Variants in TNFRSF10D observed in about 807,000 individuals in gnomAD.
TNFRSF10D encodes the protein TNF receptor superfamily member 10d, also known as tumor necrosis factor receptor superfamily member 10D.
TNFRSF10D carries 28 observed loss-of-function variants against 42.1 expected under a neutral mutation model. The observed-to-expected ratio is 0.66, with a 90% CI of 0.49 to 0.91. The LOEUF is 0.91. Ranked by LOEUF, TNFRSF10D falls within the 40% of genes least tolerant of loss-of-function variation. The pLI is 0.00. For missense variants in TNFRSF10D, 503 were observed against 486.1 expected (o/e 1.03, Z -0.33); for synonymous variants, 186 against 189.4 (o/e 0.98, Z 0.15).
chr8:23,145,231 C>G, intron 5 of TNFRSF10D, 142 bp from the exon 6 acceptor site: 1 of 979,382 alleles, frequency 1.0e-6, no homozygotes, highest in Non-Finnish European at 1.5e-6. Flanking sequence ...TGGGGCCTTG[C>G]AATTAGGGGA....
intron 2 of TNFRSF10D, among the ~76,000 whole-genome samples, chr8:23,149,074 T>G (rs367602597): frequency 6.8e-6 from 1 of 147,940 alleles, no homozygotes; most frequent in Non-Finnish European, 1.5e-5. Flanking sequence ...CCTGTAATCC[T>G]AGCTACTCGG....
rs1320339382 is a variant in TNFRSF10D at position 23,148,426 on chromosome 8, C to T, written c.370+12G>A. On this transcript the variant is annotated intron_variant, in intron 3 of 8. Transcript: ENST00000312584. ...ACTCCACCTCTGGGCAAGGGGTCCACACATTCTGTACCTGATTTACAAACT... is the reference window on the plus strand; with the variant it reads ...ACTCCACCTCTGGGCAAGGGGTCCATACATTCTGTACCTGATTTACAAACT... 1.2e-5 allele frequency: 20 copies of T among 1,600,900 alleles called. No individual in the cohort carries two copies. The highest frequency in any genetic ancestry group is 1.6e-5 in the Non-Finnish European group (19 of 1,170,018).
chr8:23,150,160 A>G (rs556027594), intron 2 of TNFRSF10D, among the ~76,000 whole-genome samples: 941 of 152,208 alleles, frequency 6.2e-3, no homozygotes, highest in African/African-American at 0.019. Flanking sequence ...CAGCTTCCAG[A>G]TCTGTCCTAG....
intron 1 of TNFRSF10D, among the ~76,000 whole-genome samples, chr8:23,161,743 G>C (rs1800370423): frequency 6.6e-6 from 1 of 152,244 alleles, no homozygotes; most frequent in Non-Finnish European, 1.5e-5. Flanking sequence ...AAAGCTAAGT[G>C]TAACAAGGGT....
At position 23,148,066 on chromosome 8, in the gene TNFRSF10D, C is replaced by CA. The variant is rs35108037; in HGVS notation, c.370+371dup. ...GACAACAGAACGAGACTCCGTCTCC[C>CA]AAAAAAAAAAAAAAAAAAAAAAAAT... On this transcript the variant is annotated intron_variant, in intron 3 of 8. Transcript: ENST00000312584. Among the ~76,000 whole-genome samples the CA allele has an allele frequency of 4.0e-5, 2 of 49,524 alleles. 1 individual carries two copies. Among genetic ancestry groups the CA allele is most frequent in the Non-Finnish European group, 7.1e-5 (2 of 28,268 alleles). 32.5% of individuals were successfully genotyped at this position (49,524 alleles called of 152,430 possible).
chr8:23,155,407 T>C (rs1800262659), intron 1 of TNFRSF10D, among the ~76,000 whole-genome samples: 1 of 151,908 alleles, frequency 6.6e-6, no homozygotes. Flanking sequence ...CCACTGTAGT[T>C]GGCAAGAAAA....
intron 7 of TNFRSF10D, among the ~76,000 whole-genome samples, chr8:23,140,329 T>C (rs1021781455): frequency 2.0e-5 from 3 of 150,764 alleles, no homozygotes; most frequent in Non-Finnish European, 4.4e-5. Flanking sequence ...ATACCAATAA[T>C]GTTCAGGCTG....
rs181124801 is a variant in TNFRSF10D at position 23,148,129 on chromosome 8, A to G, written c.370+309T>C. On this transcript the variant is annotated intron_variant, in intron 3 of 8. Transcript: ENST00000312584. Reference sequence around the variant, plus strand: ...GTGGTGCATGCCTGTGATCCCAGCTACTTAGGAGGCTGAGGTAGAAGAATC... The same window carrying G: ...GTGGTGCATGCCTGTGATCCCAGCTGCTTAGGAGGCTGAGGTAGAAGAATC... Among the ~76,000 whole-genome samples, 410 of 149,262 alleles carry G rather than the reference A, an allele frequency of 2.7e-3. 3 individuals carry two copies. The highest frequency in any genetic ancestry group is 9.8e-3 in the African/African-American group (385 of 39,224).
intron 7 of TNFRSF10D, among the ~76,000 whole-genome samples, chr8:23,141,846 GA>G (rs369186574): frequency 3.6e-3 from 539 of 151,468 alleles, no homozygotes; most frequent in African/African-American, 0.012. Flanking sequence ...GAAGAAAAAG[GA>G]TCATTTATAT....
intron 3 of TNFRSF10D, 121 bp from the exon 4 acceptor site, chr8:23,147,193 G>A: frequency 3.9e-6 from 3 of 775,126 alleles, no homozygotes; most frequent in Non-Finnish European, 6.5e-6. Context: ...CTGAGGGCTG[G>A]TTTCTGCACC....
Position 23,145,059 on chromosome 8 carries a change from C to G in TNFRSF10D, c.767G>C (p.Arg256Thr), listed in dbSNP as rs1452206335. ...CAGTTTCTGGAGAAACCAACTCACT[C>G]TGTGCACACGTTCGGGACCTCCTCC... is the stretch of plus-strand genomic sequence containing the variant. ...GGGGGPERVHRVLFRRRSCPS... is the reference protein window; with the variant it reads ...GGGGGPERVHTVLFRRRSCPS... The change falls in exon 6 of 9, where the codon AGA becomes ACA. Residue 256 changes from arginine (R) to threonine (T), a missense_variant and splice_region_variant. Physicochemically the swap from Arg to Thr is moderately conservative, Grantham distance 71. Transcript: ENST00000312584. 6.2e-7 allele frequency: 1 copy of G among 1,614,156 alleles called. No homozygotes were observed. Among genetic ancestry groups the G allele is most frequent in the East Asian group, 2.2e-5 (1 of 44,884 alleles).
At chr8:23,143,612 A>T (rs6557618) in intron 7 of TNFRSF10D, among the ~76,000 whole-genome samples, 119,529 of 152,056 alleles carry the variant, frequency 0.79, 48,079 homozygotes, top group African/African-American at 0.95. Flanking sequence ...TGGAAAGTGA[A>T]CCTTGTCTAG....
At position 23,147,702 on chromosome 8, in the gene TNFRSF10D, G is replaced by A. The variant is rs565187483; in HGVS notation, c.371-630C>T. ...AGCACTCTGGGAGGCTGAGGCAAGC[G>A]GATCACCTGAGGTCGGGAGTTCGAG... On this transcript the variant is annotated intron_variant, in intron 3 of 8. Coordinates refer to ENST00000312584, the MANE Select transcript of TNFRSF10D (RefSeq NM_003840.5). 2.3e-3 allele frequency among the ~76,000 whole-genome samples: 351 copies of A among 152,230 alleles called. 4 individuals are homozygous for A. The highest frequency in any genetic ancestry group is 7.8e-3 in the African/African-American group (326 of 41,538).
At chr8:23,139,067 C>T (rs1432451212) in intron 7 of TNFRSF10D, among the ~76,000 whole-genome samples, 3 of 146,922 alleles carry the variant, frequency 2.0e-5, no homozygotes. Flanking sequence ...TTTTCAACGT[C>T]ATTTAAAACC....
At chr8:23,141,227 G>A (rs139851333) in intron 7 of TNFRSF10D, among the ~76,000 whole-genome samples, 31 of 152,244 alleles carry the variant, frequency 2.0e-4, no homozygotes, top group East Asian at 1.7e-3. Flanking sequence ...TCCACAGGCC[G>A]GGTGTGGGGG....
intron 1 of TNFRSF10D, among the ~76,000 whole-genome samples, chr8:23,159,145 G>T (rs1468336736): frequency 6.0e-3 from 908 of 151,884 alleles, no homozygotes; most frequent in African/African-American, 0.019. Flanking sequence ...TTGGTTTTTG[G>T]TTTTGAGACA....
intron 1 of TNFRSF10D, among the ~76,000 whole-genome samples, chr8:23,163,428 C>A (rs899151051): frequency 3.1e-4 from 47 of 152,178 alleles, no homozygotes; most frequent in Non-Finnish European, 6.3e-4. Context: ...AACGAACGAA[C>A]GAACGAACGA....
chr8:23,140,146 A>G (rs1814427853), intron 7 of TNFRSF10D, among the ~76,000 whole-genome samples: 1 of 152,084 alleles, frequency 6.6e-6, no homozygotes. Context: ...AAAACTAACC[A>G]GGCGTGGCAG....
intron 2 of TNFRSF10D, among the ~76,000 whole-genome samples, chr8:23,149,681 C>T (rs1363383521): frequency 6.6e-6 from 1 of 151,992 alleles, no homozygotes; most frequent in South Asian, 2.1e-4. Flanking sequence ...GCTCGGTATC[C>T]CCCAGCGCCT....
Sources: allele counts gnomAD v4.1 joint callset (sites outside exome capture counted in the v4.1 genomes callset), GRCh38; gene constraint gnomAD v4.1.1; transcripts MANE v1.5; gene names NCBI Gene and HGNC (gene_info 2026-07-23, HGNC 2026-07-21).